Variants in BACE2 observed in about 807,000 individuals in gnomAD.
BACE2 encodes the protein 56 kDa aspartic-like protease.
BACE2 carries 17 observed loss-of-function variants against 46.2 expected under a neutral mutation model. The observed-to-expected ratio is 0.37, with a 90% CI of 0.25 to 0.55. The LOEUF (loss-of-function observed/expected upper bound fraction) is 0.55. BACE2 is among the 20% of genes least tolerant of loss of function. The pLI, the probability that BACE2 is intolerant of heterozygous loss-of-function variation, is 0.82. For synonymous variants in BACE2, 277 were observed against 295.9 expected, an observed-to-expected ratio of 0.94 and a Z score of 0.66; for missense variants, 595 against 698.1, an observed-to-expected ratio of 0.85 and a Z score of 1.66.
At chr21:41,189,177 G>T (rs1601251376) in intron 1 of BACE2, among the ~76,000 whole-genome samples, 1 of 148,434 alleles carries the variant, frequency 6.7e-6, no homozygotes, top group Admixed American at 6.6e-5. Flanking sequence ...TTGTTGATGT[G>T]TCTTAGTCTG....
chr21:41,174,551 C>T (rs1024579125), intron 1 of BACE2, among the ~76,000 whole-genome samples: 2 of 152,034 alleles, frequency 1.3e-5, no homozygotes, highest in Non-Finnish European at 2.9e-5. Context: ...GACAGCATGC[C>T]TTGGGATTTA....
At chr21:41,224,082 A>G (rs1368708395) in intron 1 of BACE2, among the ~76,000 whole-genome samples, 3 of 152,126 alleles carry the variant, frequency 2.0e-5, no homozygotes, top group African/African-American at 7.2e-5. Context: ...AGGGAGCGAG[A>G]CTGAGTCAGA....
At chr21:41,229,757 A>C (rs1054614502) in intron 2 of BACE2, among the ~76,000 whole-genome samples, 1 of 152,202 alleles carries the variant, frequency 6.6e-6, no homozygotes, top group South Asian at 2.1e-4. Flanking sequence ...CCTGTTTTGC[A>C]TTCAAGTGGC....
intron 5 of BACE2, among the ~76,000 whole-genome samples, chr21:41,244,486 G>A (rs562801325): frequency 9.9e-5 from 15 of 152,254 alleles, no homozygotes; most frequent in African/African-American, 3.6e-4. Context: ...CTCAGTGGGA[G>A]AGCCTTTGAG....
At chr21:41,263,286 A>G (rs1454158339) in intron 8 of BACE2, among the ~76,000 whole-genome samples, 1 of 152,244 alleles carries the variant, frequency 6.6e-6, no homozygotes, top group Non-Finnish European at 1.5e-5. Context: ...TCTTAGGTGT[A>G]TGCAAAGGAG....
intron 6 of BACE2, among the ~76,000 whole-genome samples, chr21:41,248,757 C>T (rs368549566): frequency 2.0e-5 from 3 of 152,358 alleles, no homozygotes; most frequent in African/African-American, 7.2e-5. Flanking sequence ...CGCGTGGTTA[C>T]GTGGCACGTA....
At chr21:41,168,706 G>T in intron 1 of BACE2, 131 bp downstream of exon 1, 1 of 662,288 alleles carries the variant, frequency 1.5e-6, no homozygotes, top group South Asian at 8.0e-5. Flanking sequence ...AGCGGGGAAC[G>T]CAGAGGGGCT....
At chr21:41,169,112 G>A (rs1173135066) in intron 1 of BACE2, among the ~76,000 whole-genome samples, 1 of 151,718 alleles carries the variant, frequency 6.6e-6, no homozygotes, top group Non-Finnish European at 1.5e-5. Context: ...AAGCAACCCG[G>A]TTAAGAAGTG....
chr21:41,175,934 A>G, intron 1 of BACE2: 1 of 152,254 alleles, frequency 6.6e-6, no homozygotes, highest in Non-Finnish European at 1.5e-5. Context: ...AAAGCCACTG[A>G]CAAGCAGACA....
chr21:41,251,317 C>T (rs1047110552), intron 7 of BACE2, among the ~76,000 whole-genome samples: 9 of 152,202 alleles, frequency 5.9e-5, no homozygotes, highest in African/African-American at 2.2e-4. Flanking sequence ...ACTATCTCTT[C>T]CATGATGCTG....
intron 1 of BACE2, among the ~76,000 whole-genome samples, chr21:41,171,610 C>T (rs9981347): frequency 0.13 from 19,076 of 152,170 alleles, 1,224 homozygotes; most frequent in East Asian, 0.23. Flanking sequence ...CTGCTTGAAC[C>T]GTGCAATTTG....
At chr21:41,269,796 C>T (rs975982331) in intron 8 of BACE2, among the ~76,000 whole-genome samples, 11 of 152,176 alleles carry the variant, frequency 7.2e-5, no homozygotes, top group Non-Finnish European at 1.5e-4. Context: ...AAGCTGCTAT[C>T]AACAATAGCA....
chr21:41,168,869 C>A (rs1000912734), intron 1 of BACE2, among the ~76,000 whole-genome samples: 2 of 152,148 alleles, frequency 1.3e-5, no homozygotes, highest in Admixed American at 6.5e-5. Context: ...GAACTTGCCG[C>A]CTCCAATAAC....
intron 1 of BACE2, among the ~76,000 whole-genome samples, chr21:41,171,019 C>T (rs2123481014): frequency 6.6e-6 from 1 of 152,338 alleles, no homozygotes; most frequent in African/African-American, 2.4e-5. Flanking sequence ...AAAATGGAAG[C>T]CAGGGAGCTG....
intron 1 of BACE2, chr21:41,179,374 G>A: frequency 3.8e-6 from 5 of 1,323,820 alleles, no homozygotes; most frequent in Non-Finnish European, 4.0e-6. Context: ...CCAGGGTGAG[G>A]AGTGAGGGTA....
intron 1 of BACE2, among the ~76,000 whole-genome samples, chr21:41,225,151 G>A (rs1358125248): frequency 6.6e-6 from 1 of 151,726 alleles, no homozygotes; most frequent in East Asian, 1.9e-4. Context: ...GGAGAATGAC[G>A]TGAACCTGGG....
intron 1 of BACE2, among the ~76,000 whole-genome samples, chr21:41,219,836 T>G (rs941063030): frequency 6.6e-6 from 1 of 152,214 alleles, no homozygotes; most frequent in Non-Finnish European, 1.5e-5. Flanking sequence ...GGACCAAATG[T>G]GCGGGGATTT....
rs1555852708 is a variant in BACE2 at position 41,218,880 on chromosome 21, T to TTTG, written c.313-7385_313-7384insTGT. On this transcript the variant is annotated intron_variant, in intron 1 of 8. Transcript: ENST00000330333. The stretch of plus-strand genomic sequence containing the variant: ...TCCAAACATCTTGACTTTTTTTTTT[T>TTTG]TGTGACAGAGTCTCGCTCTGTCACC... Among the ~76,000 whole-genome samples the TTTG allele has an allele frequency of 6.6e-4, 100 of 151,982 alleles. 1 individual carries two copies. The highest frequency in any genetic ancestry group is 2.2e-3 in the African/African-American group (93 of 41,394).
At chr21:41,170,363 G>C (rs188007653) in intron 1 of BACE2, among the ~76,000 whole-genome samples, 1 of 152,302 alleles carries the variant, frequency 6.6e-6, no homozygotes, top group Admixed American at 6.5e-5. Flanking sequence ...GGCAGTAGTT[G>C]GTTCAAGATT....
Sources: allele counts gnomAD v4.1 joint callset (sites outside exome capture counted in the v4.1 genomes callset), GRCh38; gene constraint gnomAD v4.1.1; transcripts MANE v1.5; gene names NCBI Gene and HGNC (gene_info 2026-07-23, HGNC 2026-07-21).